MALRD1: variants seen among roughly 807,000 people sequenced by gnomAD.
MALRD1 encodes MAM and LDL-receptor class A domain-containing protein 1.
Under a neutral mutation model 242.1 loss-of-function variants are expected in MALRD1, and 247 were observed. That is an observed-to-expected ratio of 1.02 (90% CI 0.92 to 1.13). The LOEUF is 1.13. Ranked by LOEUF, MALRD1 falls within the 50% of genes most tolerant of loss-of-function variation. The pLI is 0.00. For missense variants in MALRD1, 2,989 were observed against 2,533.1 expected (o/e 1.18, Z -3.86); for synonymous variants, 995 against 866.6 (o/e 1.15, Z -2.60).
intron 26 of MALRD1, among the ~76,000 whole-genome samples, chr10:19,381,384 C>G (rs1413362122): frequency 2.0e-5 from 3 of 151,922 alleles, no homozygotes; most frequent in African/African-American, 7.3e-5. Flanking sequence ...GTGCATGTGT[C>G]TTTATAGTTC....
chr10:19,462,801 C>T (rs1836011534), intron 29 of MALRD1, among the ~76,000 whole-genome samples: 2 of 152,006 alleles, frequency 1.3e-5, no homozygotes, highest in South Asian at 2.1e-4. Flanking sequence ...AGAGTGGAGA[C>T]GGAGAGGGGG....
intron 32 of MALRD1, among the ~76,000 whole-genome samples, chr10:19,549,469 T>C (rs2131401764): frequency 6.6e-6 from 1 of 152,274 alleles, no homozygotes; most frequent in African/African-American, 2.4e-5. Flanking sequence ...ATCACCACCC[T>C]AATCAGTGAG....
At chr10:19,442,222 G>C (rs1589080134) in intron 28 of MALRD1, among the ~76,000 whole-genome samples, 1 of 152,170 alleles carries the variant, frequency 6.6e-6, no homozygotes, top group Non-Finnish European at 1.5e-5. Context: ...ATCAGCTTAA[G>C]GAGATTTGGG....
intron 5 of MALRD1, among the ~76,000 whole-genome samples, chr10:19,113,234 A>T (rs1426481608): frequency 6.6e-6 from 1 of 152,146 alleles, no homozygotes; most frequent in Non-Finnish European, 1.5e-5. Context: ...CCAGGACAGA[A>T]TTCAAATATT....
At chr10:19,315,556 ATTAT>A (rs1232909904) in intron 21 of MALRD1, among the ~76,000 whole-genome samples, 1 of 102,638 alleles carries the variant, frequency 9.7e-6, no homozygotes, top group Admixed American at 1.1e-4. Context: ...AAATATAAAT[ATTAT>A]TTATATAAAT....
chr10:19,115,777 G>A (rs1303958072), intron 5 of MALRD1, among the ~76,000 whole-genome samples: 2 of 152,162 alleles, frequency 1.3e-5, no homozygotes, highest in East Asian at 3.9e-4. Context: ...TGGGGAGGCT[G>A]AGACGGGAGA....
At chr10:19,237,513 CATAT>C (rs34727263) in intron 18 of MALRD1, among the ~76,000 whole-genome samples, 61,959 of 114,136 alleles carry the variant, frequency 0.54, 17,572 homozygotes, top group South Asian at 0.71. Flanking sequence ...TGTGTGTGTC[CATAT>C]ATATATATAT....
intron 10 of MALRD1, among the ~76,000 whole-genome samples, chr10:19,143,024 G>A (rs148627351): frequency 6.6e-6 from 1 of 152,336 alleles, no homozygotes; most frequent in East Asian, 1.9e-4. Flanking sequence ...TCTTACAGAG[G>A]TGGTTGCACC....
At chr10:19,687,010 AT>A (rs1433220421) in intron 36 of MALRD1, among the ~76,000 whole-genome samples, 49 of 151,956 alleles carry the variant, frequency 3.2e-4, no homozygotes, top group African/African-American at 9.2e-4. Flanking sequence ...AAAAAAAAAA[AT>A]AATAACGAGT....
chr10:19,664,158 A>G (rs1564525477), intron 36 of MALRD1, among the ~76,000 whole-genome samples: 1 of 152,052 alleles, frequency 6.6e-6, no homozygotes, highest in East Asian at 1.9e-4. Context: ...ATCAGCTGCA[A>G]GAATAAAATG....
Position 19,238,463 on chromosome 10 carries a change from A to AATATACATTAT in MALRD1, c.2992-19216_2992-19215insCATTATATATA, listed in dbSNP as rs1363764543. The stretch of plus-strand genomic sequence containing the variant: ...ATAATATACATTATATATAATATAT[A>AATATACATTAT]ATATAATATATAATATACATTATAT... On this transcript the variant is annotated intron_variant, in intron 18 of 39. Transcript: ENST00000454679. Among the ~76,000 whole-genome samples, 283 of 36,902 alleles carry AATATACATTAT rather than the reference A, an allele frequency of 7.7e-3. 20 individuals carry two copies. In the East Asian group the frequency reaches 0.13, roughly 17 times the overall value. The allele number at this position is 36,902 out of a possible 152,430, so 24.2% of individuals were successfully genotyped here.
chr10:19,705,343 C>T (rs113631761), intron 38 of MALRD1, among the ~76,000 whole-genome samples: 4 of 152,122 alleles, frequency 2.6e-5, no homozygotes, highest in Non-Finnish European at 5.9e-5. Flanking sequence ...TGTCCTGGTC[C>T]CAGAAATACT....
intron 29 of MALRD1, among the ~76,000 whole-genome samples, chr10:19,451,268 A>G (rs1185288320): frequency 1.3e-5 from 2 of 152,182 alleles, no homozygotes; most frequent in African/African-American, 4.8e-5. Context: ...AATAAATTCA[A>G]TCAGGCAAAA....
Position 19,347,797 on chromosome 10 carries a change from G to C in MALRD1, c.3928G>C (p.Glu1310Gln). ...CRTSSGRCDFEFDLCSWKQEK... is the reference protein window; with the variant it reads ...CRTSSGRCDFQFDLCSWKQEK... ...TACCTCCAGTGGGCGCTGTGATTTC[G>C]AATTTGATCTTTGTTCCTGGAAGCA... Residue 1310 changes from glutamate (E) to glutamine (Q), a missense_variant, in exon 25 of 40, where the codon GAA becomes CAA. By Grantham distance (29) the Glu-to-Gln change is conservative (BLOSUM62 2). Coordinates refer to ENST00000454679, the MANE Select transcript of MALRD1 (RefSeq NM_001142308.3). The C allele has an allele frequency of 1.3e-6, 2 of 1,550,416 alleles. No homozygotes were observed. The highest frequency in any genetic ancestry group is 1.7e-6 in the Non-Finnish European group (2 of 1,146,852).
intron 26 of MALRD1, among the ~76,000 whole-genome samples, chr10:19,377,618 G>C (rs74118903): frequency 0.017 from 2,452 of 147,290 alleles, 60 homozygotes; most frequent in African/African-American, 0.059. Flanking sequence ...CAACTGAAAA[G>C]TATAAGTCTC....
chr10:19,251,084 A>G lies in MALRD1; in HGVS notation c.2992-6600A>G, dbSNP rs548000081. 4.0e-4 allele frequency among the ~76,000 whole-genome samples: 61 copies of G among 152,088 alleles called. 1 individual carries two copies. The South Asian group carries it at 0.011, about 27-fold the overall frequency. On this transcript the variant is annotated intron_variant, in intron 18 of 39. Coordinates refer to ENST00000454679, the MANE Select transcript of MALRD1 (RefSeq NM_001142308.3). ...AACAAATGAGACTCCTTCCTTCAGA[A>G]GAGTATGAAATGAGACATTTTATAA...
At chr10:19,457,491 C>G (rs1429464590) in intron 29 of MALRD1, among the ~76,000 whole-genome samples, 1 of 151,968 alleles carries the variant, frequency 6.6e-6, no homozygotes, top group Non-Finnish European at 1.5e-5. Flanking sequence ...TGTGCAAGAC[C>G]CTGTTGCACC....
At chr10:19,528,921 A>G (rs951018519) in intron 31 of MALRD1, among the ~76,000 whole-genome samples, 11 of 152,222 alleles carry the variant, frequency 7.2e-5, no homozygotes, top group African/African-American at 2.4e-4. Context: ...CAAGTAGCCC[A>G]TGAACGGGAA....
intron 21 of MALRD1, among the ~76,000 whole-genome samples, chr10:19,316,017 A>G (rs1054895453): frequency 6.6e-6 from 1 of 150,620 alleles, no homozygotes; most frequent in African/African-American, 2.4e-5. Context: ...TAAATAAATC[A>G]TGCACTTTTA....
Sources: gnomAD v4.1 joint callset for allele counts (sites outside exome capture counted in the v4.1 genomes callset) on GRCh38, gnomAD v4.1.1 for gene constraint, MANE v1.5 for transcripts, NCBI Gene and HGNC (gene_info 2026-07-23, HGNC 2026-07-21) for gene names.